Variants in GRIK2 observed in about 807,000 individuals in gnomAD.
The protein encoded by GRIK2 is glutamate ionotropic receptor kainate type subunit 2, also known as glutamate receptor ionotropic, kainate 2.
In GRIK2, 32 loss-of-function variants were observed where a neutral mutation model predicts 100.3. The observed-to-expected ratio is 0.32, with a 90% CI of 0.24 to 0.43. The LOEUF (loss-of-function observed/expected upper bound fraction) is 0.43, where lower values mean the gene tolerates loss of function less well. GRIK2 is among the 20% of genes least tolerant of loss of function. GRIK2 has a pLI of 1.00. For missense variants in GRIK2, 843 were observed against 1,114.9 expected, an observed-to-expected ratio of 0.76 and a Z score of 3.47; for synonymous variants, 417 against 389.4, an observed-to-expected ratio of 1.07 and a Z score of -0.83.
intron 2 of GRIK2, among the ~76,000 whole-genome samples, chr6:101,584,084 C>G (rs1231414230): frequency 6.6e-6 from 1 of 151,938 alleles, no homozygotes; most frequent in Non-Finnish European, 1.5e-5. Context: ...TGTGTATGTA[C>G]TATTTTAATA....
At chr6:101,620,578 G>A (rs1387618271) in intron 2 of GRIK2, among the ~76,000 whole-genome samples, 1 of 152,102 alleles carries the variant, frequency 6.6e-6, no homozygotes, top group Non-Finnish European at 1.5e-5. Flanking sequence ...TTTGCTAATA[G>A]TATAGTCACC....
chr6:101,511,292 C>G (rs1342844181), intron 2 of GRIK2, among the ~76,000 whole-genome samples: 1 of 152,168 alleles, frequency 6.6e-6, no homozygotes, highest in African/African-American at 2.4e-5. Context: ...GGCTTCTTGA[C>G]ATTTAACTAC....
intron 2 of GRIK2, among the ~76,000 whole-genome samples, chr6:101,608,348 AG>A (rs1285234298): frequency 6.6e-6 from 1 of 151,952 alleles, no homozygotes; most frequent in Non-Finnish European, 1.5e-5. Flanking sequence ...ATGCTATTGT[AG>A]AATCTCCTCC....
intron 10 of GRIK2, among the ~76,000 whole-genome samples, chr6:101,821,473 T>A (rs1341030309): frequency 2.0e-5 from 3 of 152,146 alleles, no homozygotes; most frequent in Admixed American, 2.0e-4. Flanking sequence ...GATTAAGAAC[T>A]ATAGCTCAGA....
intron 12 of GRIK2, among the ~76,000 whole-genome samples, chr6:101,909,384 T>TTTTTTTTG (rs1788491724): frequency 7.2e-6 from 1 of 138,528 alleles, no homozygotes; most frequent in Non-Finnish European, 1.6e-5. Flanking sequence ...TTCTTTTTCT[T>TTTTTTTTG]TTTTTTTTTT....
At chr6:101,523,517 TATGA>T (rs1354150365) in intron 2 of GRIK2, among the ~76,000 whole-genome samples, 1 of 152,174 alleles carries the variant, frequency 6.6e-6, no homozygotes, top group Non-Finnish European at 1.5e-5. Flanking sequence ...AGGAAAATTT[TATGA>T]ATGAAGTAAC....
intron 7 of GRIK2, among the ~76,000 whole-genome samples, chr6:101,756,891 C>T (rs965659078): frequency 6.6e-6 from 1 of 152,038 alleles, no homozygotes; most frequent in Non-Finnish European, 1.5e-5. Context: ...TTTGCTATTG[C>T]ACTTACTAAG....
chr6:102,024,959 AAAAC>A (rs1769617993), intron 14 of GRIK2, among the ~76,000 whole-genome samples: 1 of 149,842 alleles, frequency 6.7e-6, no homozygotes, highest in Non-Finnish European at 1.5e-5. Context: ...ATAAAAATAA[AAAAC>A]AAAAATAAAT....
chr6:101,611,879 G>A (rs1290553861), intron 2 of GRIK2, among the ~76,000 whole-genome samples: 1 of 151,634 alleles, frequency 6.6e-6, no homozygotes, highest in African/African-American at 2.4e-5. Context: ...ATACATTTAG[G>A]CACTCACCAA....
chr6:101,738,376 A>C (rs1239953729), intron 7 of GRIK2, among the ~76,000 whole-genome samples: 1 of 152,096 alleles, frequency 6.6e-6, no homozygotes, highest in Non-Finnish European at 1.5e-5. Context: ...AAGCAGCTTA[A>C]AGTTACATGG....
At chr6:101,410,296 A>G (rs1179272379) in intron 2 of GRIK2, among the ~76,000 whole-genome samples, 1 of 152,184 alleles carries the variant, frequency 6.6e-6, no homozygotes, top group East Asian at 1.9e-4. Context: ...TTGCAAACAT[A>G]TAAATAACTA....
intron 2 of GRIK2, among the ~76,000 whole-genome samples, chr6:101,456,416 T>G: frequency 6.6e-6 from 1 of 151,466 alleles, no homozygotes; most frequent in African/African-American, 2.4e-5. Context: ...AGGTAGGGAG[T>G]GAGGAGAGGA....
At chr6:101,875,938 C>T (rs924914274) in intron 11 of GRIK2, among the ~76,000 whole-genome samples, 21 of 151,518 alleles carry the variant, frequency 1.4e-4, no homozygotes, top group African/African-American at 5.1e-4. Flanking sequence ...TTATTTATTT[C>T]TTCTTATAGA....
At chr6:101,616,947 G>A (rs1779918932) in intron 2 of GRIK2, among the ~76,000 whole-genome samples, 1 of 151,418 alleles carries the variant, frequency 6.6e-6, no homozygotes, top group South Asian at 2.1e-4. Context: ...TGTGTTTTCA[G>A]TAGCTAGTTT....
rs1172077529 is a variant in GRIK2 at position 101,898,084 on chromosome 6, C to T, written c.1748+8221C>T. On this transcript the variant is annotated intron_variant, in intron 12 of 16. Coordinates refer to ENST00000369134, the MANE Select transcript of GRIK2 (RefSeq NM_021956.5). Reference sequence around the variant, plus strand: ...GAACTATAAAGAGATTCATTTATTACCTTTTTTTAAAATTAGTAACTGTGT... The same window carrying T: ...GAACTATAAAGAGATTCATTTATTATCTTTTTTTAAAATTAGTAACTGTGT... Among the ~76,000 whole-genome samples the T allele has an allele frequency of 4.0e-5, 6 of 151,684 alleles. No homozygotes were observed. The East Asian group carries it at 5.8e-4, about 15-fold the overall frequency.
chr6:102,006,388 A>ATTTTTTTTTTT (rs1391488839), intron 14 of GRIK2, among the ~76,000 whole-genome samples: 2 of 111,920 alleles, frequency 1.8e-5, no homozygotes, highest in African/African-American at 1.1e-4. Flanking sequence ...ATATATATAT[A>ATTTTTTTTTTT]TATTTTTTTT....
chr6:101,668,687 A>G (rs1242830352), intron 4 of GRIK2, among the ~76,000 whole-genome samples: 1 of 152,192 alleles, frequency 6.6e-6, no homozygotes, highest in Non-Finnish European at 1.5e-5. Context: ...GAAATGATAA[A>G]TAGGCCTGAT....
At chr6:101,704,092 C>T (rs572324349) in intron 7 of GRIK2, among the ~76,000 whole-genome samples, 2 of 151,564 alleles carry the variant, frequency 1.3e-5, no homozygotes, top group South Asian at 4.2e-4. Flanking sequence ...GGTTTATGGC[C>T]CACTTGAGAT....
chr6:101,838,827 A>G (rs1783315157), intron 10 of GRIK2, among the ~76,000 whole-genome samples: 1 of 151,550 alleles, frequency 6.6e-6, no homozygotes, highest in Non-Finnish European at 1.5e-5. Flanking sequence ...AATTTTTTGT[A>G]TTTTTAGTAG....
Sources: allele counts gnomAD v4.1 joint callset (sites outside exome capture counted in the v4.1 genomes callset), GRCh38; gene constraint gnomAD v4.1.1; transcripts MANE v1.5; gene names NCBI Gene and HGNC (gene_info 2026-07-23, HGNC 2026-07-21).